The following TTC3 variants were observed in gnomAD, a reference collection of about 807,000 sequenced individuals.
The protein encoded by TTC3 is tetratricopeptide repeat domain 3, also known as E3 ubiquitin-protein ligase TTC3.
A neutral mutation model predicts 249.6 loss-of-function variants in TTC3; 180 were observed. The observed-to-expected ratio is 0.72, with a 90% confidence interval of 0.64 to 0.82. The LOEUF (loss-of-function observed/expected upper bound fraction) is 0.82, where lower values mean the gene tolerates loss of function less well. TTC3 is among the 40% of genes least tolerant of loss of function. The pLI is 0.00. For missense variants in TTC3, 2,061 were observed against 2,398.4 expected (o/e 0.86, Z 2.94); for synonymous variants, 717 against 805.0 (o/e 0.89, Z 1.85).
At chr21:37,123,196 T>C (rs1345514024) in intron 13 of TTC3, among the ~76,000 whole-genome samples, 168 bp downstream of exon 13, 1 of 152,200 alleles carries the variant, frequency 6.6e-6, no homozygotes, top group African/African-American at 2.4e-5. Flanking sequence ...AGGTGACCTG[T>C]AAGTTGTCAG....
intron 27 of TTC3, among the ~76,000 whole-genome samples, chr21:37,154,291 T>C (rs1351106388): frequency 2.6e-5 from 4 of 152,232 alleles, no homozygotes; most frequent in African/African-American, 9.6e-5. Flanking sequence ...CCTGTCTGAA[T>C]GTTTAGAAAC....
rs1490588727 is a variant in TTC3, at chr21:37,144,509, A to G, written c.1773-16A>G. On this transcript the variant is annotated splice_polypyrimidine_tract_variant and intron_variant, in intron 20 of 45. Coordinates refer to ENST00000355666, the Ensembl canonical transcript of TTC3. ...ATTTTACATCTTTAATGCCTTTTTC[A>G]TAATTATGACTTTAGATTTCTAGAA... is the stretch of plus-strand genomic sequence containing the variant. The G allele has an allele frequency of 5.0e-6, 8 of 1,599,846 alleles. No homozygotes were observed. In the Admixed American group the frequency reaches 1.2e-4, roughly 25 times the overall value.
chr21:37,192,309 G>A (rs894417295), intron 41 of TTC3, 96 bp downstream of exon 41: 3 of 765,932 alleles, frequency 3.9e-6, no homozygotes, highest in African/African-American at 3.6e-5. Context: ...GAGTGAGGAT[G>A]AGATTGGTTA....
intron 32 of TTC3, among the ~76,000 whole-genome samples, chr21:37,164,707 C>T (rs1601912288): frequency 6.6e-6 from 1 of 151,954 alleles, no homozygotes; most frequent in Non-Finnish European, 1.5e-5. Context: ...GCTACTAAGT[C>T]GATACTGAGT....
In TTC3 at chr21:37,132,790, G is replaced by GA. The variant is rs774254989; in HGVS notation, c.1443+29dup. On this transcript the variant is annotated intron_variant, in intron 17 of 45. Coordinates refer to ENST00000355666, the Ensembl canonical transcript of TTC3. ...AGGTAATGGAGAAGCTTTTCCAATG[G>GA]AAAAAGCAAAACTCTTTGAACAAAA... is the stretch of plus-strand genomic sequence containing the variant. 1.3e-5 allele frequency: 20 copies of GA among 1,557,704 alleles called. No individual in the cohort carries two copies. In the African/African-American group the frequency reaches 2.1e-4, roughly 16 times the overall value.
intron 20 of TTC3, among the ~76,000 whole-genome samples, chr21:37,143,611 G>A (rs1219912573): frequency 2.0e-5 from 3 of 151,642 alleles, no homozygotes; most frequent in Non-Finnish European, 4.4e-5. Flanking sequence ...TGGAGAGGAT[G>A]TGGAGAAATA....
intron 10 of TTC3, among the ~76,000 whole-genome samples, chr21:37,107,277 T>C (rs1270640091): frequency 1.3e-5 from 2 of 152,106 alleles, no homozygotes; most frequent in African/African-American, 2.4e-5. Flanking sequence ...CCTGAGGAGA[T>C]AGGAACAATT....
intron 1 of TTC3, among the ~76,000 whole-genome samples, chr21:37,075,221 ATGAT>A (rs1237597764): frequency 2.0e-5 from 3 of 151,470 alleles, no homozygotes; most frequent in African/African-American, 4.9e-5. Context: ...AACAAATTGA[ATGAT>A]TGTGTTATCT....
chr21:37,180,398 T>C (rs1053355211), intron 35 of TTC3, among the ~76,000 whole-genome samples: 5 of 146,612 alleles, frequency 3.4e-5, no homozygotes, highest in Non-Finnish European at 5.9e-5. Context: ...ATATATTATC[T>C]TTTTTTTTAC....
intron 10 of TTC3, among the ~76,000 whole-genome samples, chr21:37,104,441 T>C (rs564176553): frequency 5.9e-5 from 9 of 151,916 alleles, no homozygotes; most frequent in Non-Finnish European, 1.3e-4. Flanking sequence ...ACTACAAAAA[T>C]TAGCTGGGCG....
At chr21:37,201,413 CT>C in intron 45 of TTC3, 26 bp from the exon 46 acceptor site, 1 of 1,613,040 alleles carries the variant, frequency 6.2e-7, no homozygotes, top group Non-Finnish European at 8.5e-7. Context: ...CTGAAGGCAT[CT>C]TCTGATTTTG....
intron 10 of TTC3, among the ~76,000 whole-genome samples, chr21:37,102,014 T>G (rs2074559576): frequency 7.1e-6 from 1 of 141,302 alleles, no homozygotes; most frequent in Non-Finnish European, 1.6e-5. Context: ...TTTTAAAGAT[T>G]ATATATACCT....
chr21:37,083,103 G>C (rs905560867), intron 1 of TTC3: 4 of 985,316 alleles, frequency 4.1e-6, no homozygotes, highest in Non-Finnish European at 4.8e-6. Context: ...CTTGTTTACA[G>C]AGAAGAGGTG....
chr21:37,179,240 T>A (rs8126941), intron 35 of TTC3, among the ~76,000 whole-genome samples: 64,597 of 152,080 alleles, frequency 0.42, 14,265 homozygotes, highest in South Asian at 0.54. Context: ...TGAGCCATGA[T>A]CTTGCCACTG....
At chr21:37,140,784 A>G (rs966915190) in intron 20 of TTC3, 111 bp downstream of exon 20, 2 of 625,594 alleles carry the variant, frequency 3.2e-6, no homozygotes, top group South Asian at 3.2e-5. Flanking sequence ...GTAGCACACT[A>G]TCATAATTGT....
At chr21:37,094,545 G>A (rs1409730646) in intron 8 of TTC3, among the ~76,000 whole-genome samples, 2 of 152,030 alleles carry the variant, frequency 1.3e-5, no homozygotes, top group African/African-American at 4.8e-5. Flanking sequence ...ATATATTCTC[G>A]TTAACCTACC....
intron 1 of TTC3, among the ~76,000 whole-genome samples, chr21:37,074,190 C>T (rs2146833858): frequency 6.6e-6 from 1 of 152,316 alleles, no homozygotes; most frequent in East Asian, 1.9e-4. Flanking sequence ...GCTCCCCTCG[C>T]CCCCGCGCCT....
chr21:37,082,293 A>G (rs1039123167), intron 1 of TTC3: 1 of 156,436 alleles, frequency 6.4e-6, no homozygotes, highest in Admixed American at 6.6e-5. Flanking sequence ...GACATTCCCA[A>G]TGTCTGATAT....
At chr21:37,141,396 A>G (rs1369545477) in intron 20 of TTC3, among the ~76,000 whole-genome samples, 1 of 132,774 alleles carries the variant, frequency 7.5e-6, no homozygotes, top group South Asian at 2.6e-4. Context: ...GGGAAATTTT[A>G]TGAGATTTTG....
Sources: allele counts gnomAD v4.1 joint callset (sites outside exome capture counted in the v4.1 genomes callset), GRCh38; gene constraint gnomAD v4.1.1; transcripts MANE v1.5; gene names NCBI Gene and HGNC (gene_info 2026-07-23, HGNC 2026-07-21).